HSD17B12: variants seen among roughly 807,000 people sequenced by gnomAD.
The protein encoded by HSD17B12 is very-long-chain 3-oxoacyl-CoA reductase.
A neutral mutation model predicts 39.3 loss-of-function variants in HSD17B12; 32 were observed. That is an observed-to-expected ratio of 0.81 (90% confidence interval 0.61 to 1.09). The LOEUF (loss-of-function observed/expected upper bound fraction) is 1.09. Ranked by LOEUF, HSD17B12 falls within the 50% of genes least tolerant of loss-of-function variation. HSD17B12 has a pLI of 0.00. For synonymous variants in HSD17B12, 150 were observed against 146.7 expected (o/e 1.02, Z -0.16); for missense variants, 342 against 382.9 (o/e 0.89, Z 0.89).
the HSD17B12 span, among the ~76,000 whole-genome samples, chr11:43,590,829 T>TA: frequency 8.8e-4 from 99 of 112,760 alleles, 1 homozygote; most frequent in South Asian, 0.025. Flanking sequence ...TTTTTTTTTT[T>TA]AAATCTGTGG....
At chr11:43,590,774 T>G in the HSD17B12 span, among the ~76,000 whole-genome samples, 1 of 149,482 alleles carries the variant, frequency 6.7e-6, no homozygotes, top group Non-Finnish European at 1.5e-5. Context: ...CCTCCCAAAG[T>G]GCTGGGATTA....
intron 9 of HSD17B12, among the ~76,000 whole-genome samples, chr11:43,845,756 C>T (rs1951469748): frequency 6.6e-6 from 1 of 152,152 alleles, no homozygotes; most frequent in African/African-American, 2.4e-5. Context: ...CTAGGTGTTA[C>T]CCAACTTCTC....
chr11:43,714,078 G>A (rs934016211), intron 1 of HSD17B12, among the ~76,000 whole-genome samples: 4 of 152,158 alleles, frequency 2.6e-5, no homozygotes, highest in Non-Finnish European at 5.9e-5. Flanking sequence ...TAGGTTGCCT[G>A]TTCACTCTGA....
At chr11:43,776,477 T>G (rs937479306) in intron 3 of HSD17B12, among the ~76,000 whole-genome samples, 2 of 152,186 alleles carry the variant, frequency 1.3e-5, no homozygotes, top group African/African-American at 2.4e-5. Context: ...GTAAATTTGT[T>G]TGAGTTCATT....
the HSD17B12 span, among the ~76,000 whole-genome samples, chr11:43,563,700 C>G: frequency 6.6e-6 from 1 of 152,106 alleles, no homozygotes; most frequent in East Asian, 1.9e-4. Context: ...TGCCTGTAGA[C>G]CCAGCTACTC....
chr11:43,577,745 G>T, the HSD17B12 span, among the ~76,000 whole-genome samples: 1 of 152,158 alleles, frequency 6.6e-6, no homozygotes, highest in South Asian at 2.1e-4. Context: ...TAGTGAATTA[G>T]AAGCCAAAGC....
chr11:43,712,884 T>A (rs1297841801), intron 1 of HSD17B12, among the ~76,000 whole-genome samples: 1 of 152,254 alleles, frequency 6.6e-6, no homozygotes, highest in African/African-American at 2.4e-5. Flanking sequence ...AATGTTAATG[T>A]AAACTTTTAC....
intron 6 of HSD17B12, among the ~76,000 whole-genome samples, chr11:43,821,813 G>A (rs1319778998): frequency 6.6e-6 from 1 of 152,160 alleles, no homozygotes; most frequent in African/African-American, 2.4e-5. Flanking sequence ...TGATTTGAGA[G>A]CACCTGTTTT....
At chr11:43,761,716 C>T (rs916907503) in intron 3 of HSD17B12, among the ~76,000 whole-genome samples, 7 of 152,212 alleles carry the variant, frequency 4.6e-5, no homozygotes, top group Non-Finnish European at 8.8e-5. Context: ...GACTAGAACA[C>T]CTACATGTAG....
At chr11:43,770,699 C>A (rs1011395217) in intron 3 of HSD17B12, among the ~76,000 whole-genome samples, 1 of 152,118 alleles carries the variant, frequency 6.6e-6, no homozygotes, top group Non-Finnish European at 1.5e-5. Context: ...CTCGTCACTG[C>A]GCTCCAGCCT....
chr11:43,711,036 AC>A, intron 1 of HSD17B12, among the ~76,000 whole-genome samples: 1 of 152,156 alleles, frequency 6.6e-6, no homozygotes, highest in African/African-American at 2.4e-5. Context: ...CAAGTGATCC[AC>A]CCACCTTAGC....
At chr11:43,748,874 A>G (rs1950440277) in intron 1 of HSD17B12, among the ~76,000 whole-genome samples, 1 of 152,210 alleles carries the variant, frequency 6.6e-6, no homozygotes, top group East Asian at 1.9e-4. Context: ...TATGCAATCT[A>G]TATATCATGG....
At chr11:43,750,772 A>G (rs1950458114) in intron 1 of HSD17B12, 139 bp from the exon 2 acceptor site, 1 of 504,070 alleles carries the variant, frequency 2.0e-6, no homozygotes, top group Non-Finnish European at 3.5e-6. Flanking sequence ...TCAACCTTAG[A>G]TTTGAACCGC....
chr11:43,603,026 G>A, the HSD17B12 span, among the ~76,000 whole-genome samples: 12 of 152,172 alleles, frequency 7.9e-5, no homozygotes, highest in African/African-American at 2.4e-4. Context: ...GGCTGGATGT[G>A]AGATTGTGCT....
the HSD17B12 span, among the ~76,000 whole-genome samples, chr11:43,574,153 G>A: frequency 6.6e-6 from 1 of 152,322 alleles, no homozygotes; most frequent in South Asian, 2.1e-4. Context: ...GCCACAGACA[G>A]GAATTGAGGG....
At chr11:43,843,254 T>A (rs1951443562) in intron 9 of HSD17B12, among the ~76,000 whole-genome samples, 1 of 152,176 alleles carries the variant, frequency 6.6e-6, no homozygotes, top group African/African-American at 2.4e-5. Flanking sequence ...TTATTAATTC[T>A]GATCAAAGGG....
the HSD17B12 span, among the ~76,000 whole-genome samples, chr11:43,557,299 C>T: frequency 2.0e-5 from 3 of 152,018 alleles, no homozygotes; most frequent in Admixed American, 6.6e-5. Flanking sequence ...GCCACTTGGC[C>T]ATATCTTGGA....
At position 43,701,411 on chromosome 11, in the gene HSD17B12, G is replaced by A. The variant is rs140610764; in HGVS notation, c.160+20424G>A. 5.5e-3 allele frequency among the ~76,000 whole-genome samples: 833 copies of A among 152,240 alleles called. 6 individuals are homozygous for A. Among genetic ancestry groups the A allele is most frequent in the Non-Finnish European group, 6.8e-3 (462 of 68,008 alleles). On this transcript the variant is annotated intron_variant, in intron 1 of 10. Transcript: ENST00000278353. The stretch of plus-strand genomic sequence containing the variant: ...GTATTGCTCAAGAACTTTTTGCCCA[G>A]ACTAATGTCCTTGAGATTTTCTCTA...
At chr11:43,800,437 T>C (rs570491798) in intron 4 of HSD17B12, among the ~76,000 whole-genome samples, 2 of 152,348 alleles carry the variant, frequency 1.3e-5, no homozygotes, top group East Asian at 3.9e-4. Flanking sequence ...TCATGGAAAC[T>C]ATAGATGCTC....
Sources: allele counts gnomAD v4.1 joint callset (sites outside exome capture counted in the v4.1 genomes callset), GRCh38; gene constraint gnomAD v4.1.1; transcripts MANE v1.5; gene names NCBI Gene and HGNC (gene_info 2026-07-23, HGNC 2026-07-21).